The following LRRK2 variants were observed in gnomAD, a reference collection of about 807,000 sequenced individuals.
The protein encoded by LRRK2 is leucine rich repeat kinase 2, also known as leucine-rich repeat serine/threonine-protein kinase 2.
Under a neutral mutation model 302.6 loss-of-function variants are expected in LRRK2, and 203 were observed. The ratio of observed to expected loss-of-function variants is 0.67; its 90% CI spans 0.60 to 0.75. The LOEUF (loss-of-function observed/expected upper bound fraction) is 0.75, where lower values mean the gene tolerates loss of function less well. LRRK2 is among the 30% of genes least tolerant of loss of function. The probability of loss-of-function intolerance (pLI) is 0.00; values close to 1 mark genes in which losing one functional copy is unlikely to be tolerated. For synonymous variants in LRRK2, 1,066 were observed against 1,031.9 expected (o/e 1.03, Z -0.63); for missense variants, 2,830 against 2,951.0 (o/e 0.96, Z 0.95).
intron 5 of LRRK2, among the ~76,000 whole-genome samples, 155 bp downstream of exon 5, chr12:40,238,258 A>G (rs1293915908): frequency 1.3e-5 from 2 of 152,180 alleles, no homozygotes; most frequent in African/African-American, 4.8e-5. Flanking sequence ...AATGGGGTTA[A>G]TTCAGAAGTA....
intron 48 of LRRK2, among the ~76,000 whole-genome samples, 189 bp from the exon 49 acceptor site, chr12:40,364,653 C>G (rs913946343): frequency 6.6e-6 from 1 of 151,736 alleles, no homozygotes; most frequent in Non-Finnish European, 1.5e-5. Flanking sequence ...ATAATTTATG[C>G]TTCAAGTAAA....
chr12:40,262,202 T>G (rs577717877), intron 13 of LRRK2, among the ~76,000 whole-genome samples: 1 of 152,280 alleles, frequency 6.6e-6, no homozygotes, highest in East Asian at 1.9e-4. Context: ...TCAAATCTAC[T>G]TACTTATAAC....
intron 27 of LRRK2, 87 bp downstream of exon 27, chr12:40,304,221 T>A: frequency 7.6e-7 from 1 of 1,316,188 alleles, no homozygotes; most frequent in Non-Finnish European, 1.1e-6. Flanking sequence ...AGCTTCTAAA[T>A]ACCAATTTCA....
At chr12:40,299,793 T>G (rs1944552963) in intron 25 of LRRK2, among the ~76,000 whole-genome samples, 1 of 152,118 alleles carries the variant, frequency 6.6e-6, no homozygotes, top group Admixed American at 6.6e-5. Context: ...GCCAAACTAA[T>G]GCAAATTGTT....
intron 11 of LRRK2, among the ~76,000 whole-genome samples, chr12:40,255,535 A>G (rs1317957306): frequency 2.6e-5 from 4 of 152,194 alleles, no homozygotes; most frequent in African/African-American, 9.6e-5. Flanking sequence ...ACATTGGGTT[A>G]CTGTCTAGGA....
At chr12:40,350,826 T>C (rs1565772376) in intron 43 of LRRK2, among the ~76,000 whole-genome samples, 1 of 152,154 alleles carries the variant, frequency 6.6e-6, no homozygotes, top group Non-Finnish European at 1.5e-5. Context: ...CAATTATACT[T>C]CACCTATACT....
At chr12:40,263,586 A>T (rs1472012429) in intron 13 of LRRK2, among the ~76,000 whole-genome samples, 1 of 152,100 alleles carries the variant, frequency 6.6e-6, no homozygotes, top group Admixed American at 6.6e-5. Flanking sequence ...TACACATTAT[A>T]TTTATTTTAT....
At chr12:40,226,017 A>G (rs541018755) in intron 2 of LRRK2, among the ~76,000 whole-genome samples, 2 of 152,308 alleles carry the variant, frequency 1.3e-5, no homozygotes, top group African/African-American at 2.4e-5. Context: ...AAGATTATGA[A>G]TAGTTTGGAA....
At chr12:40,314,210 T>C in intron 32 of LRRK2, 37 bp downstream of exon 32, 2 of 1,567,060 alleles carry the variant, frequency 1.3e-6, no homozygotes, top group Non-Finnish European at 1.8e-6. Flanking sequence ...AAAGCTCAGC[T>C]GTAGTAACTT....
intron 18 of LRRK2, among the ~76,000 whole-genome samples, chr12:40,278,817 C>T (rs190856270): frequency 7.2e-5 from 11 of 152,234 alleles, no homozygotes; most frequent in Admixed American, 5.9e-4. Flanking sequence ...TTCTGCTCTC[C>T]CTTCAAAATA....
At chr12:40,359,517 C>A in intron 47 of LRRK2, 73 bp downstream of exon 47, 2 of 1,157,266 alleles carry the variant, frequency 1.7e-6, no homozygotes, top group Non-Finnish European at 2.5e-6. Context: ...ATTAATAATA[C>A]TGTTGATAAT....
chr12:40,268,461 A>T (rs1259259654), intron 14 of LRRK2, among the ~76,000 whole-genome samples: 1 of 152,204 alleles, frequency 6.6e-6, no homozygotes, highest in Admixed American at 6.6e-5. Flanking sequence ...TAAAATTTAA[A>T]AAAGGTTTAC....
chr12:40,285,046 A>G (rs764584300), intron 19 of LRRK2, among the ~76,000 whole-genome samples: 6 of 152,028 alleles, frequency 3.9e-5, no homozygotes, highest in Non-Finnish European at 7.4e-5. Flanking sequence ...AAAAGTTCCA[A>G]TCAGGCTGAA....
intron 3 of LRRK2, 130 bp from the exon 4 acceptor site, chr12:40,235,496 A>T (rs1345749883): frequency 7.3e-6 from 5 of 685,178 alleles, no homozygotes; most frequent in East Asian, 5.5e-5. Context: ...CAACAAAAAC[A>T]CATGAGCTTC....
chr12:40,300,567 T>G (rs1237745282), intron 25 of LRRK2, among the ~76,000 whole-genome samples: 1 of 152,204 alleles, frequency 6.6e-6, no homozygotes, highest in Non-Finnish European at 1.5e-5. Flanking sequence ...CAAAGCCATC[T>G]TAATTTGGAT....
At chr12:40,304,304 T>G (rs1021385742) in intron 27 of LRRK2, 170 bp downstream of exon 27, 13 of 644,640 alleles carry the variant, frequency 2.0e-5, no homozygotes, top group Non-Finnish European at 2.9e-5. Context: ...AATTTAAAAA[T>G]AAGAACAGCT....
In LRRK2 at chr12:40,287,393, T is replaced by C. The variant is rs1263432754; in HGVS notation, c.2543T>C (p.Met848Thr). ...TLARMVIRYQ[M>T]KSAVEEGTAS... ...GCAAGAATGGTGATCAGATATCAGA[T>C]GAAAAGTGCTGTGGAAGAAGGAACA... Residue 848 changes from methionine (M) to threonine (T), a missense_variant, in exon 20 of 51, where the codon ATG (methionine) becomes ACG (threonine). Met to Thr is a moderately conservative substitution (Grantham distance 81). Around this residue, in one of 3 missense-constraint regions of LRRK2, gnomAD observed 2,121 missense variants for 2,148.0 expected, o/e 0.99. Transcript: ENST00000298910. The C allele has an allele frequency of 9.9e-6, 16 of 1,612,732 alleles. No individual in the cohort carries two copies. The highest frequency in any genetic ancestry group is 1.4e-5 in the Non-Finnish European group (16 of 1,179,070).
intron 21 of LRRK2, among the ~76,000 whole-genome samples, chr12:40,294,007 G>T (rs1307217708): frequency 2.0e-5 from 3 of 151,474 alleles, no homozygotes; most frequent in African/African-American, 7.3e-5. Flanking sequence ...AATGGTGTGG[G>T]TTGGTCCCAT....
intron 2 of LRRK2, among the ~76,000 whole-genome samples, chr12:40,230,920 A>G (rs1304770521): frequency 6.6e-6 from 1 of 152,130 alleles, no homozygotes; most frequent in African/African-American, 2.4e-5. Flanking sequence ...TTATTTCGAA[A>G]TGTGAAAGAG....
Sources: gnomAD v4.1 joint callset for allele counts (sites outside exome capture counted in the v4.1 genomes callset) on GRCh38, gnomAD v4.1.1 for gene constraint, gnomAD v4.1.1 regional missense constraint, MANE v1.5 for transcripts, NCBI Gene and HGNC (gene_info 2026-07-23, HGNC 2026-07-21) for gene names.